The following CTNNA3 variants were observed in gnomAD, a reference collection of about 807,000 sequenced individuals.
CTNNA3 encodes catenin alpha 3, also known as catenin alpha-3.
In CTNNA3, 76 loss-of-function variants were observed where a neutral mutation model predicts 95.7. That is an observed-to-expected ratio of 0.79 (90% CI 0.66 to 0.96). CTNNA3 has a LOEUF of 0.96. Ranked by LOEUF, CTNNA3 falls within the 40% of genes least tolerant of loss-of-function variation. The pLI is 0.00. For synonymous variants in CTNNA3, 431 were observed against 374.4 expected (o/e 1.15, Z -1.74); for missense variants, 1,191 against 1,089.8 (o/e 1.09, Z -1.31).
chr10:66,350,205 C>T (rs530322533), intron 12 of CTNNA3, among the ~76,000 whole-genome samples: 2 of 152,002 alleles, frequency 1.3e-5, no homozygotes, highest in Non-Finnish European at 2.9e-5. Context: ...TTAATTGGCT[C>T]TTCTGTGAAC....
intron 12 of CTNNA3, among the ~76,000 whole-genome samples, chr10:66,319,681 A>G (rs2092154979): frequency 6.6e-6 from 1 of 152,124 alleles, no homozygotes; most frequent in Non-Finnish European, 1.5e-5. Flanking sequence ...TTGTCATTAG[A>G]CAAAAATAAA....
At chr10:67,432,442 T>A (rs947259867) in intron 5 of CTNNA3, among the ~76,000 whole-genome samples, 2 of 152,016 alleles carry the variant, frequency 1.3e-5, no homozygotes, top group Non-Finnish European at 2.9e-5. Flanking sequence ...AATCAAGGTG[T>A]CAACAAGGCT....
chr10:67,117,306 A>C (rs950381200), intron 7 of CTNNA3, among the ~76,000 whole-genome samples: 1 of 152,000 alleles, frequency 6.6e-6, no homozygotes, highest in African/African-American at 2.4e-5. Flanking sequence ...TTAAACCAGA[A>C]GGTTCAAACC....
chr10:66,889,576 C>T (rs371510682), intron 7 of CTNNA3, among the ~76,000 whole-genome samples: 63 of 152,058 alleles, frequency 4.1e-4, no homozygotes, highest in African/African-American at 1.1e-3. Flanking sequence ...GACCGTGGCT[C>T]CTAAGTGGAT....
intron 5 of CTNNA3, among the ~76,000 whole-genome samples, chr10:67,365,543 AC>A (rs1436919609): frequency 2.0e-4 from 30 of 152,138 alleles, no homozygotes; most frequent in Non-Finnish European, 3.2e-4. Context: ...AAAACAAACA[AC>A]CCCATCAAAA....
intron 11 of CTNNA3, among the ~76,000 whole-genome samples, chr10:66,474,335 C>A (rs1589300026): frequency 6.6e-6 from 1 of 151,986 alleles, no homozygotes; most frequent in Non-Finnish European, 1.5e-5. Flanking sequence ...TGGCTTGTTT[C>A]ACTTTATCTT....
intron 12 of CTNNA3, among the ~76,000 whole-genome samples, chr10:66,320,570 T>A (rs906378015): frequency 3.9e-5 from 6 of 152,126 alleles, no homozygotes; most frequent in Non-Finnish European, 7.4e-5. Context: ...GCATGACACA[T>A]TGACAGGTTG....
chr10:67,438,927 A>G (rs961651470), intron 5 of CTNNA3, among the ~76,000 whole-genome samples: 5 of 152,218 alleles, frequency 3.3e-5, no homozygotes, highest in African/African-American at 1.2e-4. Context: ...CTTGACAAAC[A>G]TCACCACTGC....
At chr10:66,020,781 C>T (rs1236208556) in intron 15 of CTNNA3, among the ~76,000 whole-genome samples, 1 of 151,450 alleles carries the variant, frequency 6.6e-6, no homozygotes, top group Non-Finnish European at 1.5e-5. Flanking sequence ...ACGCCATTCT[C>T]CCACCTCAGC....
At chr10:66,640,704 A>G (rs1320486819) in intron 9 of CTNNA3, among the ~76,000 whole-genome samples, 1 of 152,162 alleles carries the variant, frequency 6.6e-6, no homozygotes, top group Non-Finnish European at 1.5e-5. Context: ...CCATGTGCCA[A>G]TGAGATTAGG....
chr10:66,405,359 A>G (rs1028605519), intron 11 of CTNNA3, among the ~76,000 whole-genome samples: 2 of 152,172 alleles, frequency 1.3e-5, no homozygotes, highest in African/African-American at 4.8e-5. Flanking sequence ...AAATTTATTT[A>G]TTAACAATAA....
intron 7 of CTNNA3, among the ~76,000 whole-genome samples, chr10:66,888,633 T>C (rs1211369981): frequency 6.6e-6 from 1 of 152,098 alleles, no homozygotes; most frequent in Non-Finnish European, 1.5e-5. Flanking sequence ...GAAAAGATGC[T>C]TCACAACCTC....
chr10:67,025,384 T>TA, intron 7 of CTNNA3, among the ~76,000 whole-genome samples: 1 of 151,790 alleles, frequency 6.6e-6, no homozygotes, highest in Admixed American at 6.6e-5. Flanking sequence ...AAAGGCCACA[T>TA]ATCCAACTTT....
chr10:67,106,830 T>A (rs1858662821), intron 7 of CTNNA3, among the ~76,000 whole-genome samples: 1 of 152,222 alleles, frequency 6.6e-6, no homozygotes, highest in South Asian at 2.1e-4. Flanking sequence ...GTTTATTACA[T>A]ACCTAATATA....
intron 15 of CTNNA3, among the ~76,000 whole-genome samples, chr10:65,990,095 A>G (rs867150820): frequency 0.016 from 2,246 of 137,402 alleles, 61 homozygotes; most frequent in African/African-American, 0.062. Flanking sequence ...GTGTGTGTGT[A>G]TACACACACA....
chr10:67,052,885 T>C (rs10822967), intron 7 of CTNNA3, among the ~76,000 whole-genome samples: 53,793 of 152,042 alleles, frequency 0.35, 11,197 homozygotes, highest in East Asian at 0.51. Context: ...GTTTCGTAAA[T>C]TCTAAATGTA....
At chr10:66,162,799 C>A (rs1485614932) in intron 13 of CTNNA3, among the ~76,000 whole-genome samples, 2 of 151,664 alleles carry the variant, frequency 1.3e-5, no homozygotes, top group African/African-American at 4.9e-5. Flanking sequence ...TTGTCTTCCA[C>A]TACTAGGGTG....
At chr10:66,668,112 G>T (rs1282776132) in intron 9 of CTNNA3, among the ~76,000 whole-genome samples, 4 of 152,046 alleles carry the variant, frequency 2.6e-5, no homozygotes, top group East Asian at 1.9e-4. Flanking sequence ...TGTATTAAAA[G>T]AGTTAAATGC....
intron 7 of CTNNA3, among the ~76,000 whole-genome samples, chr10:67,130,534 T>A (rs1257846712): frequency 1.3e-5 from 2 of 152,150 alleles, no homozygotes; most frequent in African/African-American, 2.4e-5. Flanking sequence ...TAAAATTAGA[T>A]AAACCTTCTG....
Sources: gnomAD v4.1 joint callset for allele counts (sites outside exome capture counted in the v4.1 genomes callset) on GRCh38, gnomAD v4.1.1 for gene constraint, MANE v1.5 for transcripts, NCBI Gene and HGNC (gene_info 2026-07-23, HGNC 2026-07-21) for gene names.